The following AK9 variants were observed in gnomAD, a reference collection of about 807,000 sequenced individuals.
AK9 encodes adenylate kinase 9, also known as adenylate kinase domain containing 1.
AK9 carries 191 observed loss-of-function variants against 239.6 expected under a neutral mutation model. The ratio of observed to expected loss-of-function variants is 0.80; its 90% CI spans 0.71 to 0.90. AK9 has a LOEUF of 0.90. Ranked by LOEUF, AK9 falls within the 40% of genes least tolerant of loss-of-function variation. The probability of loss-of-function intolerance (pLI) is 0.00; values close to 1 mark genes in which losing one functional copy is unlikely to be tolerated. For missense variants in AK9, 1,995 were observed against 2,214.7 expected, an observed-to-expected ratio of 0.90 and a Z score of 1.99; for synonymous variants, 689 against 721.0, an observed-to-expected ratio of 0.96 and a Z score of 0.71.
At chr6:109,647,655 C>T (rs1338147675) in intron 8 of AK9, among the ~76,000 whole-genome samples, 1 of 152,100 alleles carries the variant, frequency 6.6e-6, no homozygotes, top group African/African-American at 2.4e-5. Flanking sequence ...CTTTAACACC[C>T]CACTGTCAAC....
Position 109,547,161 on chromosome 6 carries a change from A to G in AK9, c.2965-1034T>C, listed in dbSNP as rs9487144. 5.3e-3 allele frequency among the ~76,000 whole-genome samples: 803 copies of G among 152,310 alleles called. 9 individuals are homozygous for G. Among genetic ancestry groups the G allele is most frequent in the African/African-American group, 0.019 (776 of 41,564 alleles). Reference sequence around the variant, plus strand: ...ATTGGGGCTTCTTTGTGAGGGCACAACCATCCACATACTTCAGTAGTCTCA... The same window carrying G: ...ATTGGGGCTTCTTTGTGAGGGCACAGCCATCCACATACTTCAGTAGTCTCA... On this transcript the variant is annotated intron_variant, in intron 25 of 40. Transcript: ENST00000424296.
chr6:109,596,453 C>A (rs766284690), intron 17 of AK9, among the ~76,000 whole-genome samples: 20 of 152,182 alleles, frequency 1.3e-4, no homozygotes, highest in Non-Finnish European at 2.6e-4. Flanking sequence ...CTAGGGCAGC[C>A]TAAGCTCCTC....
chr6:109,622,229 A>G (rs1003149919), intron 12 of AK9, among the ~76,000 whole-genome samples: 2 of 144,892 alleles, frequency 1.4e-5, no homozygotes, highest in African/African-American at 2.5e-5. Flanking sequence ...TATATATAAT[A>G]TACATATTAT....
chr6:109,557,275 G>A (rs1785118455), intron 24 of AK9, among the ~76,000 whole-genome samples: 1 of 152,170 alleles, frequency 6.6e-6, no homozygotes, highest in Admixed American at 6.5e-5. Flanking sequence ...AGTTTGCTGG[G>A]GGTTCACTTC....
chr6:109,563,153 G>A (rs938035437), intron 24 of AK9, among the ~76,000 whole-genome samples: 1 of 152,112 alleles, frequency 6.6e-6, no homozygotes, highest in African/African-American at 2.4e-5. Context: ...CAAATGAAAA[G>A]AACTGCTTCC....
At chr6:109,639,732 G>A (rs1037920796) in intron 10 of AK9, among the ~76,000 whole-genome samples, 1 of 152,180 alleles carries the variant, frequency 6.6e-6, no homozygotes, top group Non-Finnish European at 1.5e-5. Flanking sequence ...CCCTGCCTAC[G>A]TCCTGAATGG....
chr6:109,611,388 T>A (rs1226045146), intron 16 of AK9, among the ~76,000 whole-genome samples: 4 of 152,214 alleles, frequency 2.6e-5, no homozygotes, highest in Admixed American at 2.6e-4. Context: ...CAGGCAAAGA[T>A]GCGAAATGTG....
At chr6:109,600,003 T>C (rs969947665) in intron 17 of AK9, among the ~76,000 whole-genome samples, 4 of 152,212 alleles carry the variant, frequency 2.6e-5, no homozygotes, top group Admixed American at 2.0e-4. Context: ...TTTCTAGATA[T>C]ACAATCATGT....
chr6:109,538,360 T>A (rs1032366720), intron 27 of AK9, among the ~76,000 whole-genome samples: 6 of 152,344 alleles, frequency 3.9e-5, no homozygotes, highest in Non-Finnish European at 8.8e-5. Flanking sequence ...CATTATGTAA[T>A]GGCCTTCTTT....
Position 109,573,592 on chromosome 6 carries a change from C to T in AK9, c.2194G>A (p.Ala732Thr). Residue 732 changes from alanine to threonine, a missense_variant and splice_region_variant, in exon 21 of 41, where the codon GCT (alanine) becomes ACT (threonine). By Grantham distance (58) the Ala-to-Thr change is moderately conservative. This residue lies in a region of AK9 where 1,290 missense variants were observed against 1,392.7 expected (regional missense o/e 0.93). Transcript: ENST00000424296. ...TCATCCTCATTATCAGTCTCTTCAG[C>T]TTCTAAAAAAATTTGAAGAAATAAA... ...LELMKVKAKE[A>T]EETDNEDEEE... 6.5e-7 allele frequency: 1 copy of T among 1,534,220 alleles called. No homozygotes were observed. Among genetic ancestry groups the T allele is most frequent in the Non-Finnish European group, 8.8e-7 (1 of 1,141,252 alleles).
intron 27 of AK9, 146 bp downstream of exon 27, chr6:109,541,901 T>C: frequency 2.9e-6 from 2 of 682,202 alleles, no homozygotes; most frequent in Non-Finnish European, 4.5e-6. Flanking sequence ...ACAGATGTTT[T>C]TAATGTGTAT....
At chr6:109,519,173 C>T (rs538110066) in intron 29 of AK9, among the ~76,000 whole-genome samples, 52 of 152,226 alleles carry the variant, frequency 3.4e-4, no homozygotes, top group Admixed American at 1.0e-3. Flanking sequence ...TAGTATTCTA[C>T]GGTATTATAC....
chr6:109,506,878 T>A (rs1778172044), intron 33 of AK9, 78 bp from the exon 34 acceptor site: 1 of 1,433,310 alleles, frequency 7.0e-7, no homozygotes, highest in Non-Finnish European at 9.1e-7. Flanking sequence ...CCAGAACCAG[T>A]CTGTCTCTTT....
intron 32 of AK9, among the ~76,000 whole-genome samples, chr6:109,512,438 T>C (rs1778848034): frequency 6.6e-6 from 1 of 152,236 alleles, no homozygotes; most frequent in Non-Finnish European, 1.5e-5. Context: ...TTGCTTTCAC[T>C]GTACTCTATG....
At chr6:109,600,956 T>C (rs534422904) in intron 17 of AK9, among the ~76,000 whole-genome samples, 2 of 152,332 alleles carry the variant, frequency 1.3e-5, no homozygotes, top group East Asian at 3.9e-4. Flanking sequence ...GTCTATTTGA[T>C]GCTTCTCTCT....
intron 8 of AK9, among the ~76,000 whole-genome samples, chr6:109,650,133 T>C (rs1319601842): frequency 1.3e-5 from 2 of 152,120 alleles, no homozygotes; most frequent in African/African-American, 4.8e-5. Flanking sequence ...ATAAAAAACC[T>C]AGAAGAAAAC....
At chr6:109,673,107 T>G (rs829813) in intron 3 of AK9, among the ~76,000 whole-genome samples, 1 of 152,144 alleles carries the variant, frequency 6.6e-6, no homozygotes, top group African/African-American at 2.4e-5. Context: ...AGGAGAGTTG[T>G]TATATCATTA....
intron 8 of AK9, among the ~76,000 whole-genome samples, chr6:109,649,070 T>C (rs1798528525): frequency 6.6e-6 from 1 of 152,132 alleles, no homozygotes; most frequent in African/African-American, 2.4e-5. Context: ...CTCAATAAAT[T>C]AGTTATTGAT....
At chr6:109,682,408 C>CAG (rs959500028) in intron 1 of AK9, among the ~76,000 whole-genome samples, 9 of 118,720 alleles carry the variant, frequency 7.6e-5, no homozygotes, top group African/African-American at 2.8e-4. Context: ...GCCTGGGTGA[C>CAG]AGAGCAAGAC....
Sources: gnomAD v4.1 joint callset for allele counts (sites outside exome capture counted in the v4.1 genomes callset) on GRCh38, gnomAD v4.1.1 for gene constraint, gnomAD v4.1.1 regional missense constraint, MANE v1.5 for transcripts, NCBI Gene and HGNC (gene_info 2026-07-23, HGNC 2026-07-21) for gene names.